GNA12: variants seen among roughly 807,000 people sequenced by gnomAD.
GNA12 encodes the protein guanine nucleotide-binding protein subunit alpha-12.
GNA12 carries 9 observed loss-of-function variants against 26.0 expected under a neutral mutation model. That is an observed-to-expected ratio of 0.35 (90% confidence interval 0.21 to 0.60). The LOEUF (loss-of-function observed/expected upper bound fraction) is 0.60. Among genes scored for constraint, GNA12 ranks in the 20% least tolerant of loss-of-function variants. The pLI, the probability that GNA12 is intolerant of heterozygous loss-of-function variation, is 0.78. For missense variants in GNA12, 405 were observed against 525.8 expected (o/e 0.77, Z 2.25); for synonymous variants, 264 against 219.6 (o/e 1.20, Z -1.79).
At chr7:2,835,249 C>T (rs1778801460) in intron 1 of GNA12, among the ~76,000 whole-genome samples, 1 of 152,154 alleles carries the variant, frequency 6.6e-6, no homozygotes, top group Admixed American at 6.5e-5. Flanking sequence ...CTGAGGCACA[C>T]CCCACCACCA....
At chr7:2,743,012 G>A (rs1010315862) in intron 2 of GNA12, among the ~76,000 whole-genome samples, 1 of 152,202 alleles carries the variant, frequency 6.6e-6, no homozygotes, top group African/African-American at 2.4e-5. Context: ...ACAACATTCA[G>A]ACAGAAAGCC....
intron 2 of GNA12, among the ~76,000 whole-genome samples, chr7:2,764,222 G>A (rs1791706851): frequency 6.6e-6 from 1 of 150,812 alleles, no homozygotes; most frequent in Non-Finnish European, 1.5e-5. Context: ...ACGGGCACGT[G>A]CCACCTATCC....
intron 2 of GNA12, among the ~76,000 whole-genome samples, chr7:2,764,164 G>A (rs896275153): frequency 6.6e-6 from 1 of 152,026 alleles, no homozygotes; most frequent in African/African-American, 2.4e-5. Flanking sequence ...TCAAACTGAA[G>A]TGGGCTCAAG....
chr7:2,814,841 G>A (rs762139924), intron 1 of GNA12: 128 of 1,586,980 alleles, frequency 8.1e-5, no homozygotes, highest in Non-Finnish European at 9.7e-5. Flanking sequence ...CGACAGCACC[G>A]GGTGTGCACT....
chr7:2,731,069 G>T lies in GNA12; in HGVS notation c.*112C>A. On this transcript the variant is annotated 3_prime_UTR_variant, in exon 4 of 4. Transcript: ENST00000275364. The surrounding 1 kb of genome is among the most constrained non-coding windows in gnomAD (Gnocchi z 6.0). ...CAGCATTCCTGAGCCAGGTATTCCA[G>T]GGCACGGATCCGAGAAACCCACTCA... is the stretch of plus-strand genomic sequence containing the variant. 1.5e-6 allele frequency: 1 copy of T among 688,034 alleles called. No individual in the cohort carries two copies. The highest frequency in any genetic ancestry group is 2.4e-6 in the Non-Finnish European group (1 of 408,686). The allele number at this position is 688,034 out of a possible 1,614,324, so 42.6% of individuals were successfully genotyped here. A position where few individuals can be genotyped will look rare whatever the true frequency, so the allele number is the denominator to read the frequency against.
intron 2 of GNA12, chr7:2,762,740 C>T (rs561225294): frequency 6.4e-6 from 10 of 1,554,848 alleles, no homozygotes; most frequent in East Asian, 4.9e-5. Flanking sequence ...TCCTCCCTCC[C>T]GCAGGAAGTG....
intron 2 of GNA12, among the ~76,000 whole-genome samples, chr7:2,776,049 T>G (rs975830666): frequency 2.0e-5 from 3 of 152,172 alleles, no homozygotes; most frequent in Non-Finnish European, 4.4e-5. Context: ...ACAATGGGTC[T>G]TTTGATTTTT....
At chr7:2,817,450 C>G (rs1037655802) in intron 1 of GNA12, among the ~76,000 whole-genome samples, 7 of 152,202 alleles carry the variant, frequency 4.6e-5, no homozygotes, top group Non-Finnish European at 7.3e-5. Flanking sequence ...ACACAGCCTG[C>G]AAGACTGTAT....
intron 2 of GNA12, among the ~76,000 whole-genome samples, chr7:2,786,360 G>C (rs1792361541): frequency 6.6e-6 from 1 of 152,224 alleles, no homozygotes; most frequent in African/African-American, 2.4e-5. Flanking sequence ...CGGGCGCCTG[G>C]CGATAAGACT....
chr7:2,731,950 G>A lies in GNA12; in HGVS notation c.577-200C>T, dbSNP rs745662042. 6.6e-6 allele frequency among the ~76,000 whole-genome samples: 1 copy of A among 152,144 alleles called. No individual in the cohort carries two copies. Among genetic ancestry groups the A allele is most frequent in the South Asian group, 2.1e-4 (1 of 4,830 alleles). ...AGAATCAAATACTTCATTTCAAAAC[G>A]AACGGAGGCTCACCAGTCTGAGGAC... On this transcript the variant is annotated intron_variant, in intron 3 of 3. Coordinates refer to ENST00000275364, the MANE Select transcript of GNA12 (RefSeq NM_007353.3). This position sits in a 1 kb window ranked among gnomAD's most constrained non-coding sequence, Gnocchi z 6.0.
intron 1 of GNA12, among the ~76,000 whole-genome samples, chr7:2,813,629 G>A (rs1793138736): frequency 2.0e-5 from 3 of 152,226 alleles, no homozygotes; most frequent in Non-Finnish European, 2.9e-5. Flanking sequence ...ATCTGTGAAG[G>A]AAATGAAAAT....
intron 1 of GNA12, chr7:2,814,891 T>C: frequency 6.2e-7 from 1 of 1,602,872 alleles, no homozygotes. Flanking sequence ...CTGCCAGGCA[T>C]CCTTGCTAGG....
chr7:2,772,601 G>A (rs184227122), intron 2 of GNA12, among the ~76,000 whole-genome samples: 2 of 151,860 alleles, frequency 1.3e-5, no homozygotes, highest in African/African-American at 4.8e-5. Flanking sequence ...ATTTAGTCAG[G>A]AAAGTTCTTA....
intron 2 of GNA12, among the ~76,000 whole-genome samples, chr7:2,766,029 G>C (rs763520729): frequency 5.3e-5 from 8 of 152,144 alleles, no homozygotes; most frequent in Non-Finnish European, 1.2e-4. Context: ...CAGTTCAGTG[G>C]TGTTAAGCAT....
chr7:2,814,499 C>G (rs968960494), intron 1 of GNA12: 2 of 758,136 alleles, frequency 2.6e-6, no homozygotes, highest in African/African-American at 3.5e-5. Context: ...ATCAAAGACA[C>G]AAACCAAGAC....
intron 2 of GNA12, among the ~76,000 whole-genome samples, chr7:2,781,777 G>C (rs1316921695): frequency 1.3e-5 from 2 of 152,094 alleles, no homozygotes; most frequent in Non-Finnish European, 2.9e-5. Context: ...CTCTGTGATA[G>C]AGCAAGTCCA....
chr7:2,782,581 T>C (rs1000898316), intron 2 of GNA12, among the ~76,000 whole-genome samples: 12 of 152,178 alleles, frequency 7.9e-5, no homozygotes, highest in Admixed American at 7.8e-4. Flanking sequence ...CACGTCTACC[T>C]TTTTCTGTAG....
At chr7:2,763,173 G>A in intron 2 of GNA12, 2 of 822,058 alleles carry the variant, frequency 2.4e-6, no homozygotes, top group Non-Finnish European at 3.1e-6. Context: ...AGGTTAGCAG[G>A]ACTTCACAAG....
At chr7:2,794,064 G>C (rs1431903614) in intron 2 of GNA12, among the ~76,000 whole-genome samples, 3 of 152,096 alleles carry the variant, frequency 2.0e-5, no homozygotes, top group Middle Eastern at 3.2e-3. Context: ...CCAACATGTG[G>C]AGTGAAAAAG....
Sources: allele counts gnomAD v4.1 joint callset (sites outside exome capture counted in the v4.1 genomes callset), GRCh38; gene constraint gnomAD v4.1.1; non-coding constraint Gnocchi (gnomAD v3.1); transcripts MANE v1.5; gene names NCBI Gene and HGNC (gene_info 2026-07-23, HGNC 2026-07-21).